Variants in NRXN1 observed in about 807,000 individuals in gnomAD.
NRXN1 encodes the protein neurexin-1.
A neutral mutation model predicts 150.9 loss-of-function variants in NRXN1; 39 were observed. The observed-to-expected ratio is 0.26, with a 90% CI of 0.20 to 0.34. The LOEUF (loss-of-function observed/expected upper bound fraction) is 0.34, where lower values mean the gene tolerates loss of function less well. Among genes scored for constraint, NRXN1 ranks in the 10% least tolerant of loss-of-function variants. NRXN1 has a pLI of 1.00. For missense variants in NRXN1, 1,815 were observed against 1,949.9 expected (o/e 0.93, Z 1.30); for synonymous variants, 924 against 757.0 (o/e 1.22, Z -3.62).
chr2:50,292,639 A>G (rs2152945653), intron 17 of NRXN1, among the ~76,000 whole-genome samples: 1 of 152,362 alleles, frequency 6.6e-6, no homozygotes, highest in East Asian at 1.9e-4. Context: ...CTCCAGCAAC[A>G]TATAGCTGAA....
intron 18 of NRXN1, among the ~76,000 whole-genome samples, chr2:50,126,530 T>C (rs1241345373): frequency 6.6e-6 from 1 of 152,058 alleles, no homozygotes; most frequent in African/African-American, 2.4e-5. Context: ...TAAGATATAA[T>C]AGAAGCAAAA....
At chr2:50,261,973 T>C (rs1236203975) in intron 17 of NRXN1, among the ~76,000 whole-genome samples, 1 of 151,874 alleles carries the variant, frequency 6.6e-6, no homozygotes, top group Non-Finnish European at 1.5e-5. Flanking sequence ...AGGTAATTTA[T>C]ATGGGCATCT....
intron 18 of NRXN1, among the ~76,000 whole-genome samples, chr2:50,128,096 C>T (rs1292302265): frequency 6.6e-6 from 1 of 152,158 alleles, no homozygotes; most frequent in Non-Finnish European, 1.5e-5. Context: ...AAAAAAGATA[C>T]GATAGCTACC....
chr2:50,386,709 C>CTGT (rs2081352414), intron 17 of NRXN1, among the ~76,000 whole-genome samples: 1 of 152,096 alleles, frequency 6.6e-6, no homozygotes, highest in South Asian at 2.1e-4. Flanking sequence ...ACAGTTATTG[C>CTGT]ATCCTGTGGA....
At chr2:50,288,880 T>C (rs1356888) in intron 17 of NRXN1, among the ~76,000 whole-genome samples, 128,380 of 152,100 alleles carry the variant, frequency 0.84, 54,365 homozygotes, top group African/African-American at 0.9. Context: ...CTAGAAGAGA[T>C]AGCTCCATGA....
At chr2:50,477,015 G>A (rs1048288065) in intron 15 of NRXN1, among the ~76,000 whole-genome samples, 1 of 152,074 alleles carries the variant, frequency 6.6e-6, no homozygotes, top group Non-Finnish European at 1.5e-5. Flanking sequence ...GCATACAAAA[G>A]TTGAGACAAG....
chr2:50,950,550 A>G (rs1210022291), intron 2 of NRXN1, among the ~76,000 whole-genome samples: 3 of 152,128 alleles, frequency 2.0e-5, no homozygotes, highest in African/African-American at 4.8e-5. Context: ...TGCTATTAAC[A>G]TTTTGTATCG....
At chr2:50,253,254 T>A (rs1016216613) in intron 17 of NRXN1, among the ~76,000 whole-genome samples, 1 of 152,172 alleles carries the variant, frequency 6.6e-6, no homozygotes, top group Non-Finnish European at 1.5e-5. Context: ...TTTCTGCACA[T>A]TGATTTTGTA....
At chr2:50,841,299 A>T (rs1672835372) in intron 5 of NRXN1, among the ~76,000 whole-genome samples, 1 of 152,168 alleles carries the variant, frequency 6.6e-6, no homozygotes, top group Admixed American at 6.6e-5. Context: ...TTGTTGAAGG[A>T]ATTTGAAATT....
chr2:50,192,666 G>C (rs2061519788), intron 18 of NRXN1, among the ~76,000 whole-genome samples: 1 of 152,128 alleles, frequency 6.6e-6, no homozygotes, highest in East Asian at 1.9e-4. Context: ...GAGTGTAGTG[G>C]TGCAATCTCT....
chr2:50,979,818 C>T (rs1031103844), intron 2 of NRXN1, among the ~76,000 whole-genome samples: 6 of 152,142 alleles, frequency 3.9e-5, no homozygotes. Flanking sequence ...TAAGTTTCTT[C>T]ACTGTCAACC....
At chr2:50,060,963 T>A (rs1694439997) in intron 19 of NRXN1, among the ~76,000 whole-genome samples, 1 of 152,334 alleles carries the variant, frequency 6.6e-6, no homozygotes, top group African/African-American at 2.4e-5. Context: ...AGCGACAATG[T>A]CTTTTTAATA....
chr2:50,131,419 T>C (rs1705474843), intron 18 of NRXN1, among the ~76,000 whole-genome samples: 1 of 152,184 alleles, frequency 6.6e-6, no homozygotes, highest in Non-Finnish European at 1.5e-5. Flanking sequence ...AGCTCAGTCT[T>C]GTAAACCCTA....
At chr2:50,011,971 A>G (rs1442115195) in intron 21 of NRXN1, among the ~76,000 whole-genome samples, 1 of 152,130 alleles carries the variant, frequency 6.6e-6, no homozygotes, top group East Asian at 1.9e-4. Flanking sequence ...CCATTATACA[A>G]CACTGAATTT....
intron 18 of NRXN1, among the ~76,000 whole-genome samples, chr2:50,214,595 T>C (rs551710324): frequency 8.6e-5 from 13 of 151,992 alleles, no homozygotes; most frequent in Non-Finnish European, 1.9e-4. Flanking sequence ...AATTTTAAGA[T>C]AATTCAAATA....
chr2:50,767,312 A>G (rs1279903115), intron 5 of NRXN1, among the ~76,000 whole-genome samples: 1 of 152,028 alleles, frequency 6.6e-6, no homozygotes, highest in Non-Finnish European at 1.5e-5. Context: ...AGCACCTTAT[A>G]TTGCAATTAA....
chr2:50,404,999 A>G lies in NRXN1; in HGVS notation c.3364+60443T>C, dbSNP rs2082658832. The stretch of plus-strand genomic sequence containing the variant: ...TTGGTTTGCAGAACAAATCAAAAAC[A>G]CACCCTTGACAAACGTTCTGGTCTA... On this transcript the variant is annotated intron_variant, in intron 17 of 22. Transcript: ENST00000401669. Among the ~76,000 whole-genome samples, 4 of 152,206 alleles carry G rather than the reference A, an allele frequency of 2.6e-5. 1 individual carries two copies. The South Asian group carries it at 8.3e-4, about 32-fold the overall frequency.
At chr2:50,916,467 T>TGAC (rs1158130181) in intron 5 of NRXN1, among the ~76,000 whole-genome samples, 1 of 125,448 alleles carries the variant, frequency 8.0e-6, no homozygotes, top group Non-Finnish European at 1.8e-5. Context: ...CTAAAAGTGT[T>TGAC]GATGGTTGTT....
intron 13 of NRXN1, among the ~76,000 whole-genome samples, chr2:50,504,011 C>G (rs771858648): frequency 6.6e-6 from 1 of 151,870 alleles, no homozygotes; most frequent in Admixed American, 6.6e-5. Flanking sequence ...CAGATAAGCA[C>G]AAACTGGTGA....
Sources: gnomAD v4.1 joint callset for allele counts (sites outside exome capture counted in the v4.1 genomes callset) on GRCh38, gnomAD v4.1.1 for gene constraint, MANE v1.5 for transcripts, NCBI Gene and HGNC (gene_info 2026-07-23, HGNC 2026-07-21) for gene names.